The following STK24 variants were observed in gnomAD, a reference collection of about 807,000 sequenced individuals.
STK24 encodes the protein serine/threonine-protein kinase 24.
A neutral mutation model predicts 55.6 loss-of-function variants in STK24; 21 were observed. That is an observed-to-expected ratio of 0.38 (90% CI 0.27 to 0.54). The LOEUF (loss-of-function observed/expected upper bound fraction) is 0.54. Ranked by LOEUF, STK24 falls within the 20% of genes least tolerant of loss-of-function variation. The pLI is 0.79. For missense variants in STK24, 383 were observed against 538.4 expected (o/e 0.71, Z 2.86); for synonymous variants, 200 against 215.2 (o/e 0.93, Z 0.62).
chr13:98,510,125 C>T (rs1895832278), intron 2 of STK24, among the ~76,000 whole-genome samples: 1 of 152,212 alleles, frequency 6.6e-6, no homozygotes, highest in African/African-American at 2.4e-5. Context: ...AACCACATTA[C>T]CCCAGGACGT....
chr13:98,537,405 G>T (rs1001689027), intron 1 of STK24, among the ~76,000 whole-genome samples: 3 of 152,204 alleles, frequency 2.0e-5, no homozygotes, highest in Non-Finnish European at 2.9e-5. Context: ...CACAGTGCCC[G>T]GCACACGGGA....
chr13:98,448,254 C>T lies in STK24; in HGVS notation c.*4919G>A. On this transcript the variant is annotated 3_prime_UTR_variant, in exon 11 of 11. Transcript: ENST00000539966. ...GTTGCAGGTGGATGGAAGTGATCCG[C>T]AGTGCCACCAGCTCTGCCTCGCGAC... The T allele has an allele frequency of 6.2e-7, 1 of 1,614,008 alleles. No individual in the cohort carries two copies. Among genetic ancestry groups the T allele is most frequent in the Non-Finnish European group, 8.5e-7 (1 of 1,179,864 alleles).
chr13:98,495,884 T>A (rs1895235750), intron 2 of STK24, among the ~76,000 whole-genome samples: 1 of 152,226 alleles, frequency 6.6e-6, no homozygotes, highest in Non-Finnish European at 1.5e-5. Context: ...TTTTACCCAC[T>A]ACAGTCTGAT....
chr13:98,459,866 CG>C (rs1006746005), intron 9 of STK24, among the ~76,000 whole-genome samples: 2 of 152,204 alleles, frequency 1.3e-5, no homozygotes, highest in African/African-American at 4.8e-5. Context: ...AACACGGCCA[CG>C]GGAGCACTTT....
In STK24 at chr13:98,448,034, C is replaced by CTGAG. The variant is rs753680745; in HGVS notation, c.*5135_*5138dup. On this transcript the variant is annotated 3_prime_UTR_variant, in exon 11 of 11. Transcript: ENST00000539966. ...GCAGCAAGGTACTTCCAGCTCCACA[C>CTGAG]TGAGTGAGTGCCCAGGCCAGTGGGT... The CTGAG allele has an allele frequency of 5.0e-6, 3 of 599,460 alleles. No individual in the cohort carries two copies. The African/African-American group carries it at 5.6e-5, about 11-fold the overall frequency. The allele number at this position is 599,460 out of a possible 1,614,324, so 37.1% of individuals were successfully genotyped here. A position where few individuals can be genotyped will look rare whatever the true frequency, so the allele number is the denominator to read the frequency against.
At chr13:98,463,584 TAA>T (rs56325686) in intron 7 of STK24, 105 bp downstream of exon 7, 33,579 of 1,037,798 alleles carry the variant, frequency 0.032, no homozygotes, top group South Asian at 0.039. Flanking sequence ...CTGGATTGTC[TAA>T]AAAAAAAAAA....
Position 98,450,475 on chromosome 13 carries a change from A to G in STK24, c.*2698T>C, listed in dbSNP as rs1893135472. 6.6e-6 allele frequency: 1 copy of G among 152,298 alleles called. No individual in the cohort carries two copies. Among genetic ancestry groups the G allele is most frequent in the South Asian group, 2.1e-4 (1 of 4,836 alleles). The allele number at this position is 152,298 out of a possible 1,614,324, so 9.4% of individuals were successfully genotyped here. On this transcript the variant is annotated 3_prime_UTR_variant, in exon 11 of 11. Coordinates refer to ENST00000539966, the MANE Select transcript of STK24 (RefSeq NM_001032296.4). ...GGAAGGCAGATGCACTTCCAAGAAA[A>G]TCAGAACCCAGCAAGAAGTGGCCAG...
chr13:98,555,956 A>G lies in STK24; in HGVS notation c.42+20789T>C, dbSNP rs145818228. Among the ~76,000 whole-genome samples the G allele has an allele frequency of 3.2e-3, 484 of 152,174 alleles. 2 individuals carry two copies. Among genetic ancestry groups the G allele is most frequent in the African/African-American group, 0.011 (445 of 41,536 alleles). On this transcript the variant is annotated intron_variant, in intron 1 of 10. Transcript: ENST00000539966. ...CTCGGCCTCTCAAAGTGCTGGGATT[A>G]CAGGCGTGAGCCACCGTGCGGGCTA...
chr13:98,523,412 C>T (rs1049825850), intron 1 of STK24, among the ~76,000 whole-genome samples: 18 of 152,212 alleles, frequency 1.2e-4, no homozygotes, highest in Non-Finnish European at 2.4e-4. Context: ...GGGTCCACAC[C>T]CCTATGAATG....
chr13:98,460,517 T>C, intron 8 of STK24, 77 bp from the exon 9 acceptor site: 2 of 1,236,508 alleles, frequency 1.6e-6, no homozygotes, highest in Non-Finnish European at 2.4e-6. Flanking sequence ...ACCTCCCACC[T>C]GGACTATGGA....
intron 1 of STK24, among the ~76,000 whole-genome samples, chr13:98,540,250 C>T (rs994496514): frequency 2.0e-5 from 3 of 152,214 alleles, no homozygotes; most frequent in African/African-American, 7.2e-5. Context: ...AGGAATCTTA[C>T]TGGGGATGAA....
intron 1 of STK24, among the ~76,000 whole-genome samples, chr13:98,558,835 A>G (rs1450740331): frequency 2.0e-5 from 3 of 152,068 alleles, no homozygotes; most frequent in Admixed American, 1.3e-4. Context: ...GCATCAAACA[A>G]TGGTGACCAC....
intron 1 of STK24, 63 bp downstream of exon 1, chr13:98,576,682 A>C: frequency 3.0e-4 from 407 of 1,367,838 alleles, no homozygotes; most frequent in Non-Finnish European, 3.6e-4. Flanking sequence ...CCGTGTGGAT[A>C]CCGCCAAGTT....
At chr13:98,529,939 T>C (rs1232697822) in intron 1 of STK24, among the ~76,000 whole-genome samples, 1 of 151,974 alleles carries the variant, frequency 6.6e-6, no homozygotes, top group Non-Finnish European at 1.5e-5. Context: ...CCTCTTAAAA[T>C]AGAAAGGGTC....
chr13:98,463,688 T>C lies in STK24; in HGVS notation c.929+3A>G, dbSNP rs534607581. The C allele has an allele frequency of 6.2e-7, 1 of 1,613,226 alleles. No individual in the cohort carries two copies. Among genetic ancestry groups the C allele is most frequent in the South Asian group, 1.1e-5 (1 of 91,026 alleles). On this transcript the variant is annotated splice_donor_region_variant and intron_variant, in intron 7 of 10. Coordinates refer to ENST00000539966, the MANE Select transcript of STK24 (RefSeq NM_001032296.4). ...TGCTTGGGTCACTCAGGGGCCGACTTACGCGTCGGAATCCTCGGAGCTCGA... is the reference window on the plus strand; with the variant it reads ...TGCTTGGGTCACTCAGGGGCCGACTCACGCGTCGGAATCCTCGGAGCTCGA...
chr13:98,467,150 A>G (rs757488282), intron 5 of STK24, among the ~76,000 whole-genome samples: 20 of 152,106 alleles, frequency 1.3e-4, no homozygotes, highest in Admixed American at 2.6e-4. Flanking sequence ...TTATTATGAA[A>G]ATGTTCAAAC....
intron 1 of STK24, among the ~76,000 whole-genome samples, chr13:98,526,746 G>A (rs1377647411): frequency 6.6e-6 from 1 of 152,184 alleles, no homozygotes; most frequent in Non-Finnish European, 1.5e-5. Flanking sequence ...GAGTGAGTGA[G>A]TGACCGCTTG....
chr13:98,544,572 C>T (rs1174962291), intron 1 of STK24, among the ~76,000 whole-genome samples: 1 of 152,226 alleles, frequency 6.6e-6, no homozygotes, highest in Non-Finnish European at 1.5e-5. Context: ...AGCCGCCCGC[C>T]CCAGGAGGCA....
intron 2 of STK24, among the ~76,000 whole-genome samples, chr13:98,510,556 AG>A (rs1403303470): frequency 6.6e-6 from 1 of 152,242 alleles, no homozygotes; most frequent in East Asian, 1.9e-4. Context: ...TAGATAACAA[AG>A]TGTGGTCTAT....
Sources: gnomAD v4.1 joint callset for allele counts (sites outside exome capture counted in the v4.1 genomes callset) on GRCh38, gnomAD v4.1.1 for gene constraint, MANE v1.5 for transcripts, NCBI Gene and HGNC (gene_info 2026-07-23, HGNC 2026-07-21) for gene names.